PRKG1: variants seen among roughly 807,000 people sequenced by gnomAD.
PRKG1 encodes the protein protein kinase cGMP-dependent 1, also known as cGMP-dependent protein kinase 1.
In PRKG1, 35 loss-of-function variants were observed where a neutral mutation model predicts 88.1. The ratio of observed to expected loss-of-function variants is 0.40; its 90% CI spans 0.30 to 0.53. The LOEUF is 0.53. PRKG1 is among the 20% of genes least tolerant of loss of function. The pLI, the probability that PRKG1 is intolerant of heterozygous loss-of-function variation, is 0.59. For synonymous variants in PRKG1, 303 were observed against 292.5 expected (o/e 1.04, Z -0.37); for missense variants, 540 against 839.8 (o/e 0.64, Z 4.41).
intron 2 of PRKG1, among the ~76,000 whole-genome samples, chr10:51,156,434 T>A (rs554860120): frequency 6.6e-6 from 1 of 152,120 alleles, no homozygotes; most frequent in African/African-American, 2.4e-5. Flanking sequence ...ATAAATTTTC[T>A]TTATCTTCCT....
At chr10:51,110,238 A>G (rs963434916) in intron 1 of PRKG1, among the ~76,000 whole-genome samples, 11 of 152,144 alleles carry the variant, frequency 7.2e-5, no homozygotes, top group Admixed American at 7.2e-4. Flanking sequence ...TGTTCACATG[A>G]AGACTTGTGG....
chr10:51,658,274 A>G (rs1256184259), intron 3 of PRKG1, among the ~76,000 whole-genome samples: 1 of 152,108 alleles, frequency 6.6e-6, no homozygotes, highest in African/African-American at 2.4e-5. Flanking sequence ...ATATCTATTG[A>G]CAAAGGGAGA....
At chr10:51,639,436 C>CAAA (rs769304908) in intron 3 of PRKG1, among the ~76,000 whole-genome samples, 27 of 31,792 alleles carry the variant, frequency 8.5e-4, no homozygotes, top group African/African-American at 2.0e-3. Flanking sequence ...GACTCCATCT[C>CAAA]AAAAAAAAAA....
chr10:52,183,271 A>G (rs9633594), intron 9 of PRKG1, among the ~76,000 whole-genome samples: 151,673 of 152,288 alleles, frequency 1, 75,532 homozygotes, highest in Middle Eastern at 1. Context: ...GCCCTTATGA[A>G]TATGGGCATG....
At chr10:51,738,184 G>T (rs1332947540) in intron 3 of PRKG1, among the ~76,000 whole-genome samples, 1 of 152,172 alleles carries the variant, frequency 6.6e-6, no homozygotes, top group African/African-American at 2.4e-5. Flanking sequence ...ATCTTCTCAA[G>T]TTATATATCC....
At chr10:51,050,863 C>A (rs1193070713) in intron 1 of PRKG1, among the ~76,000 whole-genome samples, 2 of 152,022 alleles carry the variant, frequency 1.3e-5, no homozygotes, top group Admixed American at 1.3e-4. Context: ...TGTGAAGTGA[C>A]ATCTCATTGT....
intron 9 of PRKG1, among the ~76,000 whole-genome samples, chr10:52,207,168 G>A (rs918127634): frequency 6.6e-6 from 1 of 152,146 alleles, no homozygotes; most frequent in East Asian, 1.9e-4. Context: ...GGGGAGGCGA[G>A]GTCTACTTGC....
At chr10:51,935,082 C>T (rs1195742138) in intron 5 of PRKG1, among the ~76,000 whole-genome samples, 1 of 152,100 alleles carries the variant, frequency 6.6e-6, no homozygotes. Context: ...CCAAAACTAC[C>T]TCTTCCTGCC....
chr10:51,597,004 G>T (rs10823257), intron 3 of PRKG1, among the ~76,000 whole-genome samples: 43,201 of 152,038 alleles, frequency 0.28, 7,887 homozygotes, highest in East Asian at 0.87. Context: ...GTGGCAGAAA[G>T]AGCATTTATC....
Position 51,198,303 on chromosome 10 carries a change from T to C in PRKG1, c.478+44973T>C, listed in dbSNP as rs568855958. Among the ~76,000 whole-genome samples, 6 of 152,262 alleles carry C rather than the reference T, an allele frequency of 3.9e-5. No homozygotes were observed. The East Asian group carries it at 1.2e-3, about 29-fold the overall frequency. ...AGCAGCAGAGGTAGCATCTAGAGTG[T>C]ATGGCTAGGAGGAGCTGCACATATC... On this transcript the variant is annotated intron_variant, in intron 2 of 17. Coordinates refer to ENST00000373980, the MANE Select transcript of PRKG1 (RefSeq NM_006258.4).
chr10:51,964,276 C>T (rs564895012), intron 5 of PRKG1, among the ~76,000 whole-genome samples: 63 of 152,316 alleles, frequency 4.1e-4, no homozygotes, highest in South Asian at 1.0e-3. Context: ...AGTAAAGTAA[C>T]GTGCATAGGT....
intron 5 of PRKG1, among the ~76,000 whole-genome samples, chr10:51,921,859 C>T (rs1037798259): frequency 6.6e-5 from 10 of 151,904 alleles, no homozygotes; most frequent in Admixed American, 2.6e-4. Context: ...TGAGAGATGT[C>T]GGTCAGTAGT....
intron 1 of PRKG1, among the ~76,000 whole-genome samples, chr10:51,101,342 C>T (rs191435445): frequency 6.6e-6 from 1 of 152,206 alleles, no homozygotes; most frequent in African/African-American, 2.4e-5. Context: ...GAGGCTTCAC[C>T]AGAAACCCAA....
intron 3 of PRKG1, among the ~76,000 whole-genome samples, chr10:51,692,802 A>G (rs1393354146): frequency 6.6e-6 from 1 of 152,202 alleles, no homozygotes; most frequent in Non-Finnish European, 1.5e-5. Flanking sequence ...AACCTTTGTA[A>G]TACATATGAG....
At chr10:52,148,242 G>A (rs1837786092) in intron 8 of PRKG1, among the ~76,000 whole-genome samples, 1 of 152,050 alleles carries the variant, frequency 6.6e-6, no homozygotes, top group South Asian at 2.1e-4. Context: ...GTCACAACTG[G>A]GTTTGCTACT....
At chr10:51,703,067 T>C (rs1178200404) in intron 3 of PRKG1, among the ~76,000 whole-genome samples, 3 of 152,194 alleles carry the variant, frequency 2.0e-5, no homozygotes, top group Non-Finnish European at 2.9e-5. Context: ...AGAAAATCGG[T>C]ACATTAACTG....
At chr10:51,269,419 G>A (rs1199581625) in intron 2 of PRKG1, among the ~76,000 whole-genome samples, 1 of 152,150 alleles carries the variant, frequency 6.6e-6, no homozygotes, top group Non-Finnish European at 1.5e-5. Context: ...GCACATGCAT[G>A]TTTATAGCAG....
At chr10:51,128,217 T>G (rs56219907) in intron 1 of PRKG1, among the ~76,000 whole-genome samples, 1 of 151,522 alleles carries the variant, frequency 6.6e-6, no homozygotes, top group Non-Finnish European at 1.5e-5. Flanking sequence ...TTAAAAAAAA[T>G]CCGGATAGAC....
intron 7 of PRKG1, among the ~76,000 whole-genome samples, chr10:52,119,274 C>T (rs978376730): frequency 1.3e-5 from 2 of 151,990 alleles, no homozygotes; most frequent in Non-Finnish European, 1.5e-5. Flanking sequence ...CCTAACAAAC[C>T]ACAGAGTAGA....
Sources: allele counts gnomAD v4.1 joint callset (sites outside exome capture counted in the v4.1 genomes callset), GRCh38; gene constraint gnomAD v4.1.1; transcripts MANE v1.5; gene names NCBI Gene and HGNC (gene_info 2026-07-23, HGNC 2026-07-21).